The following DLG5 variants were observed in gnomAD, a reference collection of about 807,000 sequenced individuals.
The protein encoded by DLG5 is discs large MAGUK scaffold protein 5.
In DLG5, 48 loss-of-function variants were observed where a neutral mutation model predicts 189.8. That is an observed-to-expected ratio of 0.25 (90% CI 0.20 to 0.32). The LOEUF (loss-of-function observed/expected upper bound fraction) is 0.32. Among genes scored for constraint, DLG5 ranks in the 10% least tolerant of loss-of-function variants. The pLI is 1.00. For missense variants in DLG5, 2,160 were observed against 2,544.7 expected (o/e 0.85, Z 3.25); for synonymous variants, 1,016 against 1,054.1 (o/e 0.96, Z 0.70).
chr10:77,891,702 CA>C (rs1001709542), intron 1 of DLG5, among the ~76,000 whole-genome samples: 3 of 152,006 alleles, frequency 2.0e-5, no homozygotes, highest in African/African-American at 7.3e-5. Context: ...CAGGACATCA[CA>C]AAAAAAGGTC....
intron 1 of DLG5, among the ~76,000 whole-genome samples, chr10:77,878,084 C>T (rs983502932): frequency 6.6e-6 from 1 of 152,228 alleles, no homozygotes; most frequent in African/African-American, 2.4e-5. Flanking sequence ...CTCCCTCCTG[C>T]TCTGGCCCGG....
intron 14 of DLG5, among the ~76,000 whole-genome samples, chr10:77,822,692 T>G (rs763168806): frequency 6.6e-6 from 1 of 152,160 alleles, no homozygotes; most frequent in Non-Finnish European, 1.5e-5. Flanking sequence ...TTTTTAAATA[T>G]TAAACATAAA....
chr10:77,896,189 A>G (rs1845753673), intron 1 of DLG5, among the ~76,000 whole-genome samples: 1 of 152,224 alleles, frequency 6.6e-6, no homozygotes, highest in Admixed American at 6.5e-5. Flanking sequence ...TATCATAACA[A>G]CGTGTTCTAA....
chr10:77,923,891 G>C (rs1846609761), intron 1 of DLG5, among the ~76,000 whole-genome samples: 1 of 151,978 alleles, frequency 6.6e-6, no homozygotes, highest in African/African-American at 2.4e-5. Context: ...TTGAGAAGGA[G>C]TCTTGCTCTG....
intron 3 of DLG5, among the ~76,000 whole-genome samples, chr10:77,856,068 G>C (rs1390330266): frequency 6.6e-6 from 1 of 152,158 alleles, no homozygotes; most frequent in African/African-American, 2.4e-5. Flanking sequence ...TGTGGGGCCA[G>C]ACACTGTGGC....
chr10:77,816,727 G>A (rs1165751653), intron 19 of DLG5, 26 bp from the exon 20 acceptor site: 3 of 1,579,806 alleles, frequency 1.9e-6, no homozygotes, highest in Non-Finnish European at 2.6e-6. Flanking sequence ...GGTAATGCCG[G>A]TGTGAACTCC....
At chr10:77,917,124 CAGG>C (rs1846381939) in intron 1 of DLG5, among the ~76,000 whole-genome samples, 1 of 151,704 alleles carries the variant, frequency 6.6e-6, no homozygotes, top group South Asian at 2.1e-4. Context: ...CGCTTGAATC[CAGG>C]AGTTCAAGAC....
chr10:77,906,203 A>G (rs949582888), intron 1 of DLG5, among the ~76,000 whole-genome samples: 9 of 152,214 alleles, frequency 5.9e-5, no homozygotes, highest in Admixed American at 5.9e-4. Flanking sequence ...GTACCCTGCC[A>G]GAGGCTCCAG....
intron 1 of DLG5, among the ~76,000 whole-genome samples, chr10:77,909,655 T>C (rs1846161770): frequency 6.6e-6 from 1 of 152,072 alleles, no homozygotes; most frequent in Non-Finnish European, 1.5e-5. Context: ...AGAAAGGTGG[T>C]TTGCCATTTT....
chr10:77,911,913 A>C (rs1023361782), intron 1 of DLG5, among the ~76,000 whole-genome samples: 1 of 151,952 alleles, frequency 6.6e-6, no homozygotes, highest in African/African-American at 2.4e-5. Context: ...AAAAAAAAAA[A>C]ACAGGCTGGG....
At chr10:77,911,357 G>A (rs1256453516) in intron 1 of DLG5, among the ~76,000 whole-genome samples, 2 of 152,168 alleles carry the variant, frequency 1.3e-5, no homozygotes, top group East Asian at 3.8e-4. Flanking sequence ...CTGGGCTCAA[G>A]CAATCCGCCT....
intron 27 of DLG5, among the ~76,000 whole-genome samples, chr10:77,799,636 C>T (rs757185678): frequency 6.6e-6 from 1 of 152,138 alleles, no homozygotes; most frequent in Non-Finnish European, 1.5e-5. Flanking sequence ...TTGAGATATG[C>T]TCTTGCTTTG....
At chr10:77,901,779 C>T (rs1025591654) in intron 1 of DLG5, among the ~76,000 whole-genome samples, 13 of 152,164 alleles carry the variant, frequency 8.5e-5, no homozygotes, top group African/African-American at 1.9e-4. Context: ...CCGGCTCCAA[C>T]GGTGGAGCAG....
At chr10:77,807,610 A>G (rs1034417741) in intron 25 of DLG5, among the ~76,000 whole-genome samples, 186 bp downstream of exon 25, 1 of 152,192 alleles carries the variant, frequency 6.6e-6, no homozygotes, top group Non-Finnish European at 1.5e-5. Context: ...TTTAAGCCCT[A>G]AAGGGTTGTT....
At chr10:77,831,619 G>C (rs1053666970) in intron 9 of DLG5, among the ~76,000 whole-genome samples, 9 of 152,154 alleles carry the variant, frequency 5.9e-5, no homozygotes, top group Admixed American at 5.9e-4. Flanking sequence ...CAGACACACA[G>C]GTCTGTAGAA....
Position 77,926,563 on chromosome 10 carries a change from G to GC in DLG5, c.-44dup. 9.9e-6 allele frequency: 12 copies of GC among 1,210,336 alleles called. No homozygotes were observed. The highest frequency in any genetic ancestry group is 1.1e-5 in the Non-Finnish European group (11 of 975,098). 75.0% of individuals were successfully genotyped at this position (1,210,336 alleles called of 1,614,324 possible). ...CCCCGCCCCGCCGGACGCCTCCCGG[G>GC]CCCCCCGAGGCCGGCGGGCGGGCAG... is the stretch of plus-strand genomic sequence containing the variant. On this transcript the variant is annotated 5_prime_UTR_variant, in exon 1 of 32. Coordinates refer to ENST00000372391, the MANE Select transcript of DLG5 (RefSeq NM_004747.4). The surrounding 1 kb of genome is among the most constrained non-coding windows in gnomAD (Gnocchi z 5.2).
At chr10:77,823,459 T>C (rs1263635052) in intron 14 of DLG5, among the ~76,000 whole-genome samples, 1 of 152,144 alleles carries the variant, frequency 6.6e-6, no homozygotes, top group East Asian at 1.9e-4. Flanking sequence ...CTAAATTGTC[T>C]TTTTGTCTAT....
rs2154577166 is a variant in DLG5, at chr10:77,873,091, A to G, written c.305-3894T>C. On this transcript the variant is annotated intron_variant, in intron 1 of 31. Coordinates refer to ENST00000372391, the MANE Select transcript of DLG5 (RefSeq NM_004747.4). The stretch of plus-strand genomic sequence containing the variant: ...CAACCACAAACTTGTGCAAGCTACC[A>G]AGTACCATGCAGAGGTGCTGATGAG... 2.0e-5 allele frequency among the ~76,000 whole-genome samples: 3 copies of G among 151,758 alleles called. No individual in the cohort carries two copies. The Middle Eastern group carries it at 0.01, about 516-fold the overall frequency.
intron 22 of DLG5, among the ~76,000 whole-genome samples, chr10:77,811,436 G>A (rs1255981190): frequency 6.6e-6 from 1 of 152,016 alleles, no homozygotes; most frequent in Non-Finnish European, 1.5e-5. Context: ...CCTCAGCTCA[G>A]GGGCCCTCTC....
Sources: allele counts gnomAD v4.1 joint callset (sites outside exome capture counted in the v4.1 genomes callset), GRCh38; gene constraint gnomAD v4.1.1; non-coding constraint Gnocchi (gnomAD v3.1); transcripts MANE v1.5; gene names NCBI Gene and HGNC (gene_info 2026-07-23, HGNC 2026-07-21).